CECR2: variants seen among roughly 807,000 people sequenced by gnomAD.
The protein encoded by CECR2 is chromatin remodeling regulator CECR2.
In CECR2, 30 loss-of-function variants were observed where a neutral mutation model predicts 154.5. That is an observed-to-expected ratio of 0.19 (90% CI 0.15 to 0.26). CECR2 has a LOEUF of 0.26. CECR2 is among the 10% of genes least tolerant of loss of function. CECR2 has a pLI of 1.00. For synonymous variants in CECR2, 725 were observed against 683.7 expected, an observed-to-expected ratio of 1.06 and a Z score of -0.94; for missense variants, 1,743 against 1,829.3, an observed-to-expected ratio of 0.95 and a Z score of 0.86.
chr22:17,556,437 A>G lies in CECR2; in HGVS notation c.*3597A>G, dbSNP rs182136078. ...TTATCCCATGCCATTTATCTGCTGT[A>G]TAGTTACTATATTATTTTTGCTGAT... On this transcript the variant is annotated 3_prime_UTR_variant, in exon 19 of 19. Coordinates refer to ENST00000262608, the MANE Select transcript of CECR2 (RefSeq NM_001290047.2). 1 of 152,282 alleles carries G rather than the reference A, an allele frequency of 6.6e-6. No homozygotes were observed. Among genetic ancestry groups the G allele is most frequent in the Admixed American group, 6.5e-5 (1 of 15,290 alleles). 9.4% of individuals were successfully genotyped at this position (152,282 alleles called of 1,614,324 possible).
intron 1 of CECR2, among the ~76,000 whole-genome samples, chr22:17,414,836 A>AC (rs1417104733): frequency 6.6e-6 from 1 of 151,694 alleles, no homozygotes; most frequent in Non-Finnish European, 1.5e-5. Flanking sequence ...TATAGCTAGT[A>AC]CCCCCCAGAG....
At chr22:17,395,903 C>G (rs966743321) in intron 1 of CECR2, among the ~76,000 whole-genome samples, 6 of 151,866 alleles carry the variant, frequency 4.0e-5, no homozygotes, top group African/African-American at 1.2e-4. Flanking sequence ...AATATTCTTT[C>G]TCATTCCTGG....
chr22:17,548,782 T>G lies in CECR2; in HGVS notation c.3495T>G (p.Ser1165=). ...ATTTTCCCCCAAGGGGCTTTCAGTC[T>G]AACCACCCACATTCTGGAGGCTTTC... The part of the protein sequence containing the change: ...PQHFPPRGFQ[S]NHPHSGGFPR... The change falls in exon 17 of 19, where the codon TCT becomes TCG. Residue 1165 remains serine, a synonymous_variant. Transcript: ENST00000262608. 1 of 1,613,818 alleles carries G rather than the reference T, an allele frequency of 6.2e-7. No homozygotes were observed.
chr22:17,407,822 A>G (rs1410849488), intron 1 of CECR2, among the ~76,000 whole-genome samples: 1 of 152,172 alleles, frequency 6.6e-6, no homozygotes, highest in Admixed American at 6.5e-5. Flanking sequence ...CAAATAGCCT[A>G]CAGTGCGTAA....
intron 1 of CECR2, among the ~76,000 whole-genome samples, chr22:17,397,298 C>T (rs1007729274): frequency 2.0e-5 from 3 of 151,970 alleles, no homozygotes; most frequent in Non-Finnish European, 4.4e-5. Context: ...CACCACCACA[C>T]CTGGCTAATT....
rs190137242 is a variant in CECR2 at position 17,537,347 on chromosome 22, T to C, written c.1238+115T>C. On this transcript the variant is annotated intron_variant, in intron 10 of 18. Transcript: ENST00000262608. ...GCCCTGTTGGGTAACATGGTCACCATGTGTGAGTGAACAGGGCGGGCCCTG... is the reference window on the plus strand; with the variant it reads ...GCCCTGTTGGGTAACATGGTCACCACGTGTGAGTGAACAGGGCGGGCCCTG... The C allele has an allele frequency of 1.3e-4, 163 of 1,260,100 alleles. No individual in the cohort carries two copies. In the African/African-American group the frequency reaches 2.3e-3, roughly 17 times the overall value. 78.1% of individuals were successfully genotyped at this position (1,260,100 alleles called of 1,614,324 possible).
intron 11 of CECR2, 21 bp downstream of exon 11, chr22:17,538,578 G>T: frequency 6.2e-7 from 1 of 1,613,620 alleles, no homozygotes; most frequent in South Asian, 1.1e-5. Flanking sequence ...ATTCTCCACT[G>T]TTCTGTTTGT....
chr22:17,470,655 G>C (rs1470083752), intron 1 of CECR2, among the ~76,000 whole-genome samples: 1 of 148,040 alleles, frequency 6.8e-6, no homozygotes, highest in Non-Finnish European at 1.5e-5. Context: ...AATTTTCCTT[G>C]TCCGTTTTTC....
At chr22:17,377,554 C>T (rs946213977) in intron 1 of CECR2, among the ~76,000 whole-genome samples, 3 of 151,932 alleles carry the variant, frequency 2.0e-5, no homozygotes, top group African/African-American at 7.3e-5. Flanking sequence ...CATGCCACTG[C>T]CTTTGGCTTC....
chr22:17,496,675 C>A (rs1431555995), intron 2 of CECR2, among the ~76,000 whole-genome samples: 3 of 152,144 alleles, frequency 2.0e-5, no homozygotes, highest in Non-Finnish European at 4.4e-5. Context: ...TTAGGTTAGG[C>A]CAACTATGCG....
Position 17,443,389 on chromosome 22 carries a change from T to C in CECR2, c.127-34199T>C, listed in dbSNP as rs530034877. ...GTTTTATTATCTGTGGAATTAATCTTAGAATATTCAGAAAGGAAAAAAGGG... is the reference window on the plus strand; with the variant it reads ...GTTTTATTATCTGTGGAATTAATCTCAGAATATTCAGAAAGGAAAAAAGGG... On this transcript the variant is annotated intron_variant, in intron 1 of 18. Coordinates refer to ENST00000262608, the MANE Select transcript of CECR2 (RefSeq NM_001290047.2). Among the ~76,000 whole-genome samples the C allele has an allele frequency of 1.5e-3, 232 of 152,300 alleles. 2 individuals carry two copies. The highest frequency in any genetic ancestry group is 0.015 in the Admixed American group (225 of 15,304).
chr22:17,369,179 C>A (rs1212806107), upstream of CECR2, among the ~76,000 whole-genome samples: 1 of 151,814 alleles, frequency 6.6e-6, no homozygotes, highest in Non-Finnish European at 1.5e-5. Flanking sequence ...AGCTCCTGGC[C>A]GTCCTCCCTT....
At chr22:17,396,289 A>G (rs916824756) in intron 1 of CECR2, among the ~76,000 whole-genome samples, 2 of 151,488 alleles carry the variant, frequency 1.3e-5, no homozygotes, top group Non-Finnish European at 2.9e-5. Flanking sequence ...TCACGCCTGT[A>G]ATCCCAGCAC....
In CECR2 at chr22:17,556,055, C is replaced by G. The variant is rs2146176336; in HGVS notation, c.*3215C>G. 1 of 152,234 alleles carries G rather than the reference C, an allele frequency of 6.6e-6. No homozygotes were observed. Among genetic ancestry groups the G allele is most frequent in the South Asian group, 2.1e-4 (1 of 4,812 alleles). The allele number at this position is 152,234 out of a possible 1,614,324, so 9.4% of individuals were successfully genotyped here. A position where few individuals can be genotyped will look rare whatever the true frequency, so the allele number is the denominator to read the frequency against. The stretch of plus-strand genomic sequence containing the variant: ...GTTAAAAGGTAGCAGGAGCTATTGG[C>G]TGAAATTTGTTACAGTGAATGAATG... On this transcript the variant is annotated 3_prime_UTR_variant, in exon 19 of 19. Transcript: ENST00000262608.
At chr22:17,474,411 A>G (rs2055176243) in intron 1 of CECR2, among the ~76,000 whole-genome samples, 1 of 152,194 alleles carries the variant, frequency 6.6e-6, no homozygotes, top group South Asian at 2.1e-4. Flanking sequence ...TTAATAAGTG[A>G]CGCAGAGTTC....
At chr22:17,442,386 C>G (rs1470145813) in intron 1 of CECR2, among the ~76,000 whole-genome samples, 2 of 152,112 alleles carry the variant, frequency 1.3e-5, no homozygotes, top group Non-Finnish European at 2.9e-5. Context: ...AGCAACATAG[C>G]GAGACCCCCA....
rs1004592579 is a variant in CECR2, at chr22:17,409,466, C to A, written c.126+39557C>A. Among the ~76,000 whole-genome samples the A allele has an allele frequency of 8.1e-5, 9 of 111,666 alleles. 2 individuals carry two copies. The highest frequency in any genetic ancestry group is 2.1e-4 in the African/African-American group (7 of 33,560). 73.3% of individuals were successfully genotyped at this position (111,666 alleles called of 152,430 possible). On this transcript the variant is annotated intron_variant, in intron 1 of 18. Transcript: ENST00000262608. ...CAGGATGGTCTCAATCTCTTGACCTCGTGATCCGCCTGCCTCGGCCTCCCA... is the reference window on the plus strand; with the variant it reads ...CAGGATGGTCTCAATCTCTTGACCTAGTGATCCGCCTGCCTCGGCCTCCCA...
At chr22:17,446,330 T>G (rs1232476992) in intron 1 of CECR2, among the ~76,000 whole-genome samples, 1 of 152,172 alleles carries the variant, frequency 6.6e-6, no homozygotes, top group Non-Finnish European at 1.5e-5. Flanking sequence ...GATTGTGCTG[T>G]GTCCAGAGTT....
intron 1 of CECR2, among the ~76,000 whole-genome samples, chr22:17,371,342 A>G (rs569905038): frequency 6.6e-6 from 1 of 152,348 alleles, no homozygotes; most frequent in East Asian, 1.9e-4. Flanking sequence ...ATGTGAGGAA[A>G]TGTGGGCTTC....
Sources: allele counts gnomAD v4.1 joint callset (sites outside exome capture counted in the v4.1 genomes callset), GRCh38; gene constraint gnomAD v4.1.1; transcripts MANE v1.5; gene names NCBI Gene and HGNC (gene_info 2026-07-23, HGNC 2026-07-21).